Variants in SUCLG1 observed in about 807,000 individuals in gnomAD.
SUCLG1 encodes the protein succinate--CoA ligase [ADP/GDP-forming] subunit alpha, mitochondrial.
In SUCLG1, 26 loss-of-function variants were observed where a neutral mutation model predicts 37.3. The ratio of observed to expected loss-of-function variants is 0.70; its 90% CI spans 0.51 to 0.97. The LOEUF is 0.97. Ranked by LOEUF, SUCLG1 falls within the 50% of genes least tolerant of loss-of-function variation. The pLI is 0.00. For missense variants in SUCLG1, 433 were observed against 432.9 expected, an observed-to-expected ratio of 1.00 and a Z score of 0.00; for synonymous variants, 163 against 155.6, an observed-to-expected ratio of 1.05 and a Z score of -0.36.
rs1353464784 is a variant in SUCLG1 at position 84,459,217 on chromosome 2, C to T, written c.53G>A (p.Ser18Asn). 6.5e-7 allele frequency: 1 copy of T among 1,550,314 alleles called. No individual in the cohort carries two copies. Among genetic ancestry groups the T allele is most frequent in the Non-Finnish European group, 8.7e-7 (1 of 1,146,730 alleles). The change falls in exon 1 of 9, where the codon AGC becomes AAC. Residue 18 changes from serine to asparagine, a missense_variant. Coordinates refer to ENST00000393868, the MANE Select transcript of SUCLG1 (RefSeq NM_003849.4). Reference sequence around the variant, plus strand: ...GAGACGGGCGGCGGCGAGGCCGCTGCTGCCGGAGACCATGGTAGCGATGTC... The same window carrying T: ...GAGACGGGCGGCGGCGAGGCCGCTGTTGCCGGAGACCATGGTAGCGATGTC... The part of the protein sequence containing the change: ...AADIATMVSG[S>N]SGLAAARLLS...
chr2:84,431,027 T>C (rs1672605137), intron 7 of SUCLG1, among the ~76,000 whole-genome samples: 1 of 152,212 alleles, frequency 6.6e-6, no homozygotes, highest in Non-Finnish European at 1.5e-5. Flanking sequence ...AAAGCTTTTC[T>C]ACTTGATCTC....
chr2:84,443,368 A>C lies in SUCLG1; in HGVS notation c.234T>G (p.Tyr78Ter). 6.2e-7 allele frequency: 1 copy of C among 1,614,160 alleles called. No individual in the cohort carries two copies. The highest frequency in any genetic ancestry group is 8.5e-7 in the Non-Finnish European group (1 of 1,180,006). Residue 78 changes from tyrosine to a stop codon, truncating the protein, a stop_gained, in exon 3 of 9, where the codon TAT (tyrosine) becomes TAG (stop). Transcript: ENST00000393868. LOFTEE classifies it high-confidence loss of function. The part of the protein sequence containing the change: ...GTFHSQQALE[Y>*]GTKLVGGTTP... ...TGGTTCCTCCAACGAGTTTGGTGCC[A>C]TATTCCAATGCCTGCTGGCTGTGAA...
chr2:84,428,873 T>C (rs960305076), intron 7 of SUCLG1, among the ~76,000 whole-genome samples: 3 of 152,218 alleles, frequency 2.0e-5, no homozygotes, highest in Admixed American at 1.3e-4. Context: ...CATGGTGAAA[T>C]GGAGAAGTCA....
chr2:84,439,141 G>A (rs1054190733), intron 5 of SUCLG1, among the ~76,000 whole-genome samples: 1 of 151,302 alleles, frequency 6.6e-6, no homozygotes, highest in Non-Finnish European at 1.5e-5. Context: ...AGAACCCACT[G>A]GAAGGAACCA....
At chr2:84,448,520 C>CA (rs59457991) in intron 2 of SUCLG1, among the ~76,000 whole-genome samples, 49 of 125,122 alleles carry the variant, frequency 3.9e-4, no homozygotes, top group Non-Finnish European at 6.4e-4. Flanking sequence ...CTTAAATTAC[C>CA]AAAAAAAAAA....
intron 7 of SUCLG1, chr2:84,426,081 T>C (rs946435255): frequency 1.1e-5 from 2 of 183,508 alleles, no homozygotes; most frequent in Admixed American, 5.5e-5. Context: ...TAACAAAAGC[T>C]GCACGACCTT....
intron 6 of SUCLG1, chr2:84,433,149 A>C: frequency 1.6e-6 from 1 of 626,084 alleles, no homozygotes; most frequent in Non-Finnish European, 2.8e-6. Context: ...TAGTTCTTCA[A>C]CCTAGAAATG....
At chr2:84,453,172 G>A (rs1489352610) in intron 1 of SUCLG1, among the ~76,000 whole-genome samples, 3 of 152,060 alleles carry the variant, frequency 2.0e-5, no homozygotes, top group Non-Finnish European at 4.4e-5. Context: ...AAAAAAGCAA[G>A]CATTCAGACA....
chr2:84,433,115 C>T lies in SUCLG1; in HGVS notation c.673+237G>A, dbSNP rs967194288. ...GATGTTTTCAGGCACCAAGGTGCTT[C>T]GGGAGCCACGTGTTCCAAGATGTTA... On this transcript the variant is annotated intron_variant, in intron 6 of 8. Coordinates refer to ENST00000393868, the MANE Select transcript of SUCLG1 (RefSeq NM_003849.4). 4 of 567,844 alleles carry T rather than the reference C, an allele frequency of 7.0e-6. No individual in the cohort carries two copies. The African/African-American group carries it at 7.5e-5, about 11-fold the overall frequency. The allele number at this position is 567,844 out of a possible 1,614,324, so 35.2% of individuals were successfully genotyped here.
chr2:84,432,984 T>G (rs1165813164), intron 6 of SUCLG1: 2 of 290,072 alleles, frequency 6.9e-6, no homozygotes, highest in Non-Finnish European at 1.3e-5. Flanking sequence ...AATGAGACAC[T>G]GAATGGCAAA....
chr2:84,453,597 A>G (rs1672976497), intron 1 of SUCLG1, among the ~76,000 whole-genome samples: 3 of 152,030 alleles, frequency 2.0e-5, no homozygotes, highest in African/African-American at 7.2e-5. Flanking sequence ...TTGTACTTTT[A>G]GTAGAGACGG....
At chr2:84,424,879 C>G (rs1344570204) in intron 8 of SUCLG1, among the ~76,000 whole-genome samples, 1 of 151,996 alleles carries the variant, frequency 6.6e-6, no homozygotes, top group Non-Finnish European at 1.5e-5. Flanking sequence ...CAAAAACAAA[C>G]CAAAAAAATG....
chr2:84,430,751 A>G (rs1309196300), intron 7 of SUCLG1, among the ~76,000 whole-genome samples: 1 of 152,178 alleles, frequency 6.6e-6, no homozygotes, highest in Non-Finnish European at 1.5e-5. Flanking sequence ...ATTCCTCAGT[A>G]TAAGAGAAAT....
At chr2:84,431,018 A>T (rs1425282110) in intron 7 of SUCLG1, among the ~76,000 whole-genome samples, 1 of 152,216 alleles carries the variant, frequency 6.6e-6, no homozygotes, top group Non-Finnish European at 1.5e-5. Flanking sequence ...ATAGACAGTA[A>T]AGCTTTTCTA....
chr2:84,449,729 A>G lies in SUCLG1; in HGVS notation c.121T>C (p.Cys41Arg). The G allele has an allele frequency of 1.9e-6, 3 of 1,602,788 alleles. 1 individual carries two copies. The highest frequency in any genetic ancestry group is 3.4e-4 in the Middle Eastern group (2 of 5,826). Residue 41 changes from cysteine to arginine, a missense_variant, in exon 2 of 9, where the codon TGT becomes CGT. Coordinates refer to ENST00000393868, the MANE Select transcript of SUCLG1 (RefSeq NM_003849.4). ...TGTTGCCGAGAAGCTGTGTAGGAAC[A>G]ATGCCGAATTCCATTCTGCGGCACT... ...FLLPQNGIRH[C>R]SYTASRQHLY...
At chr2:84,457,178 T>C (rs985537859) in intron 1 of SUCLG1, among the ~76,000 whole-genome samples, 2 of 152,182 alleles carry the variant, frequency 1.3e-5, no homozygotes, top group African/African-American at 4.8e-5. Flanking sequence ...CTGGTCCCTT[T>C]TTAAAAAAAA....
rs745333841 is a variant in SUCLG1 at position 84,443,390 on chromosome 2, T to C, written c.212A>G (p.His71Arg). 20 of 1,614,024 alleles carry C rather than the reference T, an allele frequency of 1.2e-5. No homozygotes were observed. Among genetic ancestry groups the C allele is most frequent in the Non-Finnish European group, 1.4e-5 (16 of 1,179,944 alleles). The change falls in exon 3 of 9, where the codon CAC becomes CGC. Residue 71 changes from histidine (H) to arginine (R), a missense_variant. Physicochemically the swap from His to Arg is conservative, Grantham distance 29. Coordinates refer to ENST00000393868, the MANE Select transcript of SUCLG1 (RefSeq NM_003849.4). ...GCCATATTCCAATGCCTGCTGGCTGTGAAAGGTGCCCTGAGGGGAAAAAGC... is the reference window on the plus strand; with the variant it reads ...GCCATATTCCAATGCCTGCTGGCTGCGAAAGGTGCCCTGAGGGGAAAAAGC... The part of the protein sequence containing the change: ...QGFTGKQGTF[H>R]SQQALEYGTK...
At chr2:84,426,289 A>G (rs1231892895) in intron 7 of SUCLG1, 1 of 151,956 alleles carries the variant, frequency 6.6e-6, no homozygotes, top group Non-Finnish European at 1.5e-5. Context: ...AAAAAAAAAA[A>G]AAAGAAAATA....
intron 1 of SUCLG1, among the ~76,000 whole-genome samples, chr2:84,451,133 C>G (rs989420921): frequency 2.6e-5 from 4 of 152,180 alleles, no homozygotes; most frequent in Non-Finnish European, 4.4e-5. Context: ...GAGACCCATT[C>G]TTGCCCTTGG....
Sources: gnomAD v4.1 joint callset for allele counts (sites outside exome capture counted in the v4.1 genomes callset) on GRCh38, gnomAD v4.1.1 for gene constraint, MANE v1.5 for transcripts, NCBI Gene and HGNC (gene_info 2026-07-23, HGNC 2026-07-21) for gene names.